The following OSBPL9 variants were observed in gnomAD, a reference collection of about 807,000 sequenced individuals.
OSBPL9 encodes oxysterol-binding protein-related protein 9.
A neutral mutation model predicts 106.6 loss-of-function variants in OSBPL9; 40 were observed. That is an observed-to-expected ratio of 0.38 (90% CI 0.29 to 0.49). The LOEUF (loss-of-function observed/expected upper bound fraction) is 0.49, where lower values mean the gene tolerates loss of function less well. Ranked by LOEUF, OSBPL9 falls within the 20% of genes least tolerant of loss-of-function variation. OSBPL9 has a pLI of 0.97. For missense variants in OSBPL9, 609 were observed against 887.2 expected (o/e 0.69, Z 3.98); for synonymous variants, 269 against 295.4 (o/e 0.91, Z 0.92).
At chr1:51,623,815 A>G (rs1206003992) in intron 1 of OSBPL9, among the ~76,000 whole-genome samples, 1 of 152,196 alleles carries the variant, frequency 6.6e-6, no homozygotes, top group Non-Finnish European at 1.5e-5. Flanking sequence ...ATTCTCCTGG[A>G]AAGGTATCAG....
intron 1 of OSBPL9, among the ~76,000 whole-genome samples, chr1:51,586,203 ATAAAT>A (rs1361308297): frequency 2.6e-5 from 4 of 151,942 alleles, no homozygotes; most frequent in African/African-American, 4.8e-5. Context: ...AATAATAATA[ATAAAT>A]TAAAAGGGTA....
At chr1:51,692,827 T>C (rs1655256166) in intron 3 of OSBPL9, among the ~76,000 whole-genome samples, 1 of 152,126 alleles carries the variant, frequency 6.6e-6, no homozygotes, top group Admixed American at 6.5e-5. Context: ...GCACCCCGCC[T>C]GCAGTCTGTC....
Position 51,785,795 on chromosome 1 carries a change from C to T in OSBPL9, c.1830-13C>T, listed in dbSNP as rs1444119760. ...AACTTGAGACTAACACAAGTATTTC[C>T]TTTTCTGTTCAGTTCTCCAAATGAC... On this transcript the variant is annotated splice_polypyrimidine_tract_variant and intron_variant, in intron 20 of 23. Transcript: ENST00000428468. The T allele has an allele frequency of 1.9e-6, 3 of 1,611,070 alleles. No homozygotes were observed. The highest frequency in any genetic ancestry group is 1.7e-5 in the Admixed American group (1 of 59,682).
chr1:51,622,915 A>G (rs1644530387), intron 1 of OSBPL9, among the ~76,000 whole-genome samples: 1 of 152,238 alleles, frequency 6.6e-6, no homozygotes, highest in South Asian at 2.1e-4. Context: ...GACAAATTTT[A>G]AACCACCACA....
intron 14 of OSBPL9, among the ~76,000 whole-genome samples, chr1:51,773,665 G>C (rs1235629405): frequency 6.6e-6 from 1 of 152,142 alleles, no homozygotes; most frequent in East Asian, 1.9e-4. Flanking sequence ...TTTTGTTAGG[G>C]CAAAATCAAT....
intron 2 of OSBPL9, among the ~76,000 whole-genome samples, chr1:51,602,731 C>G (rs1237838955): frequency 6.6e-6 from 1 of 152,178 alleles, no homozygotes; most frequent in Non-Finnish European, 1.5e-5. Flanking sequence ...CAGGCATGAG[C>G]TACTGTACCC....
At chr1:51,616,937 ACACACAATAGGCGCCCTAAG>A, upstream of OSBPL9, 1 of 1,292,170 alleles carries the variant, frequency 7.7e-7, no homozygotes, top group Non-Finnish European at 1.0e-6. Context: ...ATGGAGTCCT[ACACACAATAGGCGCCCTAAG>A]AAAGCGTGTT....
intron 8 of OSBPL9, among the ~76,000 whole-genome samples, chr1:51,755,764 A>G (rs1007860086): frequency 2.3e-4 from 35 of 152,220 alleles, no homozygotes; most frequent in African/African-American, 8.4e-4. Context: ...TGACTTAACA[A>G]TATTTTCAAC....
chr1:51,618,120 C>T (rs1394338815), intron 1 of OSBPL9, among the ~76,000 whole-genome samples: 1 of 151,856 alleles, frequency 6.6e-6, no homozygotes, highest in Non-Finnish European at 1.5e-5. Flanking sequence ...CGGGTTCAAG[C>T]GATTCTCCTG....
chr1:51,588,427 A>C (rs2148600674), intron 1 of OSBPL9, among the ~76,000 whole-genome samples: 1 of 152,244 alleles, frequency 6.6e-6, no homozygotes, highest in East Asian at 1.9e-4. Context: ...GGGAAGCCAA[A>C]GCAGGAGAAT....
intron 1 of OSBPL9, among the ~76,000 whole-genome samples, chr1:51,646,954 C>T (rs1176858671): frequency 6.6e-6 from 1 of 152,162 alleles, no homozygotes; most frequent in Non-Finnish European, 1.5e-5. Context: ...GCTAGTACCT[C>T]CAGTACAGTG....
chr1:51,767,438 TTACTTG>T (rs1672803347), intron 12 of OSBPL9, among the ~76,000 whole-genome samples: 1 of 152,174 alleles, frequency 6.6e-6, no homozygotes, highest in Non-Finnish European at 1.5e-5. Context: ...TACTTTCATT[TTACTTG>T]TGTTTGTTGT....
At chr1:51,680,492 TA>T (rs914273582) in intron 3 of OSBPL9, among the ~76,000 whole-genome samples, 23 of 149,042 alleles carry the variant, frequency 1.5e-4, no homozygotes, top group Non-Finnish European at 3.0e-4. Context: ...CTGTCTCTAC[TA>T]AAAAAAAAGA....
At chr1:51,529,158 A>G in the OSBPL9 span, among the ~76,000 whole-genome samples, 1 of 152,224 alleles carries the variant, frequency 6.6e-6, no homozygotes, top group African/African-American at 2.4e-5. Context: ...GCTGATTCTA[A>G]AATTCATATG....
chr1:51,626,597 A>T (rs929608463), intron 1 of OSBPL9, among the ~76,000 whole-genome samples: 1 of 151,748 alleles, frequency 6.6e-6, no homozygotes, highest in Non-Finnish European at 1.5e-5. Flanking sequence ...TGCAGCCTCG[A>T]CCTCCCAGGC....
At chr1:51,782,005 T>G (rs1223927115) in intron 16 of OSBPL9, among the ~76,000 whole-genome samples, 1 of 152,148 alleles carries the variant, frequency 6.6e-6, no homozygotes, top group Non-Finnish European at 1.5e-5. Flanking sequence ...GATGACATTT[T>G]AAAGCTCTAG....
intron 1 of OSBPL9, 90 bp downstream of exon 1, chr1:51,617,311 A>G: frequency 7.5e-7 from 1 of 1,336,006 alleles, no homozygotes; most frequent in Non-Finnish European, 1.0e-6. Flanking sequence ...GGCTGAGTTG[A>G]GGTTGCTAGT....
At chr1:51,710,693 T>C (rs1344035468) in intron 3 of OSBPL9, among the ~76,000 whole-genome samples, 1 of 152,258 alleles carries the variant, frequency 6.6e-6, no homozygotes, top group Non-Finnish European at 1.5e-5. Context: ...CGTACTCTAT[T>C]GTCTCCTGGT....
chr1:51,621,370 A>C (rs956149332), intron 1 of OSBPL9, among the ~76,000 whole-genome samples: 2 of 152,102 alleles, frequency 1.3e-5, no homozygotes, highest in African/African-American at 4.8e-5. Flanking sequence ...AGCGCCAGTA[A>C]TCCCAGCTAC....
Sources: gnomAD v4.1 joint callset for allele counts (sites outside exome capture counted in the v4.1 genomes callset) on GRCh38, gnomAD v4.1.1 for gene constraint, MANE v1.5 for transcripts, NCBI Gene and HGNC (gene_info 2026-07-23, HGNC 2026-07-21) for gene names.